The following ADAMTSL3 variants were observed in gnomAD, a reference collection of about 807,000 sequenced individuals.
ADAMTSL3 encodes the protein ADAMTS like 3, also known as ADAMTS-like protein 3.
Under a neutral mutation model 201.7 loss-of-function variants are expected in ADAMTSL3, and 128 were observed. The ratio of observed to expected loss-of-function variants is 0.63; its 90% CI spans 0.55 to 0.73. ADAMTSL3 has a LOEUF of 0.73. Ranked by LOEUF, ADAMTSL3 falls within the 30% of genes least tolerant of loss-of-function variation. ADAMTSL3 has a pLI of 0.00. For missense variants in ADAMTSL3, 1,990 were observed against 2,119.6 expected, an observed-to-expected ratio of 0.94 and a Z score of 1.20; for synonymous variants, 738 against 748.4, an observed-to-expected ratio of 0.99 and a Z score of 0.23.
intron 15 of ADAMTSL3, among the ~76,000 whole-genome samples, chr15:83,907,851 T>A (rs2141945123): frequency 6.6e-6 from 1 of 152,358 alleles, no homozygotes; most frequent in East Asian, 1.9e-4. Flanking sequence ...CAAATGCAGA[T>A]ATATTTTTGA....
rs1272267683 is a variant in ADAMTSL3 at position 83,892,760 on chromosome 15, G to A, written c.1339G>A (p.Glu447Lys). Reference sequence around the variant, plus strand: ...TCAGAGACGGAGCTTTGTGTGTGTAGAGGAATCCATGCATGGAGAGATATT... The same window carrying A: ...TCAGAGACGGAGCTTTGTGTGTGTAAAGGAATCCATGCATGGAGAGATATT... Reference protein sequence around the residue: ...GIQRRSFVCVEESMHGEILQV... With the variant: ...GIQRRSFVCVKESMHGEILQV... Residue 447 changes from glutamate to lysine, a missense_variant, in exon 13 of 30, where the codon GAG becomes AAG. Transcript: ENST00000286744. 7 of 1,614,132 alleles carry A rather than the reference G, an allele frequency of 4.3e-6. No individual in the cohort carries two copies. The highest frequency in any genetic ancestry group is 5.9e-6 in the Non-Finnish European group (7 of 1,180,002).
intron 5 of ADAMTSL3, 89 bp from the exon 6 acceptor site, chr15:83,819,722 G>A (rs897511024): frequency 2.3e-5 from 24 of 1,022,296 alleles, no homozygotes; most frequent in African/African-American, 4.8e-5. Context: ...GTGAGGTGTG[G>A]TCTCATGAGA....
intron 17 of ADAMTSL3, among the ~76,000 whole-genome samples, chr15:83,925,393 G>C (rs1465439472): frequency 2.0e-5 from 3 of 152,210 alleles, no homozygotes; most frequent in Non-Finnish European, 4.4e-5. Flanking sequence ...ATCTGGCTGT[G>C]CGTGGTTGAG....
At chr15:83,965,493 A>G (rs2067065187) in intron 19 of ADAMTSL3, among the ~76,000 whole-genome samples, 1 of 152,204 alleles carries the variant, frequency 6.6e-6, no homozygotes, top group Non-Finnish European at 1.5e-5. Context: ...ACTGTCCTAA[A>G]TATACATGCA....
chr15:83,765,820 T>C (rs1045217072), intron 3 of ADAMTSL3, among the ~76,000 whole-genome samples: 1 of 152,232 alleles, frequency 6.6e-6, no homozygotes. Flanking sequence ...GCATACTGCT[T>C]CTTTGGAAGT....
chr15:83,708,823 A>G (rs939995844), intron 3 of ADAMTSL3, among the ~76,000 whole-genome samples: 1 of 152,206 alleles, frequency 6.6e-6, no homozygotes, highest in African/African-American at 2.4e-5. Context: ...TACTTAGAGA[A>G]TTATACAGTT....
chr15:83,727,108 G>T (rs2062190013), intron 3 of ADAMTSL3, among the ~76,000 whole-genome samples: 1 of 151,462 alleles, frequency 6.6e-6, no homozygotes, highest in African/African-American at 2.4e-5. Context: ...ATTTCTTCCT[G>T]GTTCAATCTT....
chr15:83,823,885 TC>T (rs2063938096), intron 6 of ADAMTSL3, among the ~76,000 whole-genome samples: 1 of 100,216 alleles, frequency 1.0e-5, no homozygotes, highest in Admixed American at 1.1e-4. Flanking sequence ...ATTTCCTTCT[TC>T]TTCTTCCTCT....
rs546072306 is a variant in ADAMTSL3, at chr15:83,813,166, G to T, written c.364-6645G>T. On this transcript the variant is annotated intron_variant, in intron 5 of 29. Coordinates refer to ENST00000286744, the MANE Select transcript of ADAMTSL3 (RefSeq NM_207517.3). The stretch of plus-strand genomic sequence containing the variant: ...AGATACCATTGTAGAAAATCTAACT[G>T]TGGAACAGTAGGTCAGACCTTCTAA... Among the ~76,000 whole-genome samples the T allele has an allele frequency of 8.5e-5, 13 of 152,354 alleles. No homozygotes were observed. The East Asian group carries it at 1.7e-3, about 20-fold the overall frequency.
At chr15:83,784,466 G>A (rs1037816529) in intron 4 of ADAMTSL3, among the ~76,000 whole-genome samples, 6 of 152,162 alleles carry the variant, frequency 3.9e-5, no homozygotes, top group African/African-American at 1.4e-4. Flanking sequence ...TCTGCCTTGT[G>A]TATAACTTCT....
intron 23 of ADAMTSL3, among the ~76,000 whole-genome samples, chr15:84,003,538 C>T (rs768247367): frequency 2.6e-5 from 4 of 152,090 alleles, no homozygotes; most frequent in Non-Finnish European, 4.4e-5. Context: ...CTTGGCTCCT[C>T]GTATTGGTGT....
chr15:83,732,554 C>G (rs1244591841), intron 3 of ADAMTSL3, among the ~76,000 whole-genome samples: 1 of 151,984 alleles, frequency 6.6e-6, no homozygotes, highest in African/African-American at 2.4e-5. Flanking sequence ...ATAATATATA[C>G]CAGGGCTATT....
At chr15:83,879,415 A>T (rs753691820) in intron 9 of ADAMTSL3, among the ~76,000 whole-genome samples, 6 of 152,106 alleles carry the variant, frequency 3.9e-5, no homozygotes, top group Non-Finnish European at 7.4e-5. Flanking sequence ...TGCATGCCTT[A>T]TATTTAATTT....
intron 13 of ADAMTSL3, 90 bp from the exon 14 acceptor site, chr15:83,897,768 A>G: frequency 7.2e-7 from 1 of 1,386,024 alleles, no homozygotes; most frequent in Non-Finnish European, 9.7e-7. Flanking sequence ...ACATTTATGT[A>G]GTTCAATGGC....
chr15:83,832,606 G>A (rs958463983), intron 6 of ADAMTSL3, among the ~76,000 whole-genome samples: 3 of 152,094 alleles, frequency 2.0e-5, no homozygotes, highest in African/African-American at 7.2e-5. Flanking sequence ...CTTGTGCCAC[G>A]TGGCCATGGG....
intron 5 of ADAMTSL3, among the ~76,000 whole-genome samples, chr15:83,817,551 G>A (rs186532052): frequency 6.6e-6 from 1 of 152,206 alleles, no homozygotes; most frequent in East Asian, 1.9e-4. Flanking sequence ...ACTTTACAAA[G>A]TACCAAAACC....
At chr15:83,700,720 C>T (rs149189486) in intron 2 of ADAMTSL3, among the ~76,000 whole-genome samples, 2 of 152,182 alleles carry the variant, frequency 1.3e-5, no homozygotes, top group East Asian at 1.9e-4. Flanking sequence ...GCTGAAATCA[C>T]GTCACTCAAT....
Position 83,728,287 on chromosome 15 carries a change from G to C in ADAMTSL3, c.189+23779G>C, listed in dbSNP as rs2062211151. On this transcript the variant is annotated intron_variant, in intron 3 of 29. Transcript: ENST00000286744. Reference sequence around the variant, plus strand: ...GTGTTTTTGTAGGCAACACATCATTGAGTCTTTTTTTTTTATTCATTTAGC... The same window carrying C: ...GTGTTTTTGTAGGCAACACATCATTCAGTCTTTTTTTTTTATTCATTTAGC... 1.3e-5 allele frequency among the ~76,000 whole-genome samples: 2 copies of C among 151,112 alleles called. 1 individual carries two copies. Among genetic ancestry groups the C allele is most frequent in the South Asian group, 4.2e-4 (2 of 4,790 alleles).
chr15:83,964,452 A>G (rs2067038270), intron 19 of ADAMTSL3, among the ~76,000 whole-genome samples: 1 of 152,128 alleles, frequency 6.6e-6, no homozygotes, highest in African/African-American at 2.4e-5. Context: ...TAATGAAATA[A>G]GCATGAAGAG....
Sources: allele counts gnomAD v4.1 joint callset (sites outside exome capture counted in the v4.1 genomes callset), GRCh38; gene constraint gnomAD v4.1.1; transcripts MANE v1.5; gene names NCBI Gene and HGNC (gene_info 2026-07-23, HGNC 2026-07-21).